Variants in GTPBP10 observed in about 807,000 individuals in gnomAD.
The protein encoded by GTPBP10 is GTP-binding protein 10.
In GTPBP10, 38 loss-of-function variants were observed where a neutral mutation model predicts 44.8. That is an observed-to-expected ratio of 0.85 (90% CI 0.65 to 1.11). The LOEUF is 1.11. Among genes scored for constraint, GTPBP10 ranks in the 50% most tolerant of loss-of-function variants. The pLI, the probability that GTPBP10 is intolerant of heterozygous loss-of-function variation, is 0.00. For synonymous variants in GTPBP10, 152 were observed against 150.6 expected, an observed-to-expected ratio of 1.01 and a Z score of -0.07; for missense variants, 462 against 453.7, an observed-to-expected ratio of 1.02 and a Z score of -0.17.
At chr7:90,381,598 G>A (rs1260156463) in intron 8 of GTPBP10, among the ~76,000 whole-genome samples, 1 of 152,164 alleles carries the variant, frequency 6.6e-6, no homozygotes, top group African/African-American at 2.4e-5. Flanking sequence ...ACCCTGAATA[G>A]CCAAAGCAAT....
chr7:90,385,324 A>G lies in GTPBP10; in HGVS notation c.*170A>G. On this transcript the variant is annotated 3_prime_UTR_variant, in exon 10 of 10. Coordinates refer to ENST00000222511, the MANE Select transcript of GTPBP10 (RefSeq NM_033107.4). ...TAAGTTGAACTCATAGAAGGAGAGAATAGAATGGTGGTTATCAAGGGCTGG... is the reference window on the plus strand; with the variant it reads ...TAAGTTGAACTCATAGAAGGAGAGAGTAGAATGGTGGTTATCAAGGGCTGG... The G allele has an allele frequency of 1.9e-6, 1 of 522,958 alleles. No homozygotes were observed. Among genetic ancestry groups the G allele is most frequent in the Non-Finnish European group, 3.3e-6 (1 of 303,966 alleles). 32.4% of individuals were successfully genotyped at this position (522,958 alleles called of 1,614,324 possible).
intron 8 of GTPBP10, among the ~76,000 whole-genome samples, chr7:90,381,839 A>G (rs1285852882): frequency 6.6e-6 from 1 of 152,202 alleles, no homozygotes; most frequent in Non-Finnish European, 1.5e-5. Context: ...TCAATAAGTG[A>G]TACTGAGAAA....
chr7:90,346,892 T>C (rs1365376231), intron 1 of GTPBP10, 118 bp downstream of exon 1: 3 of 1,121,040 alleles, frequency 2.7e-6, no homozygotes, highest in Non-Finnish European at 4.1e-6. Flanking sequence ...GGTTTTCCCA[T>C]AGACTTCTCC....
Position 90,378,123 on chromosome 7 carries a change from C to G in GTPBP10, c.700-11C>G, listed in dbSNP as rs1215637581. On this transcript the variant is annotated splice_polypyrimidine_tract_variant and intron_variant, in intron 7 of 9. Coordinates refer to ENST00000222511, the MANE Select transcript of GTPBP10 (RefSeq NM_033107.4). Reference sequence around the variant, plus strand: ...TGTTAAAGGCTGTCTCTTTCCTTCTCTTTTTTTTAGGTTGATATTTCTGGA... The same window carrying G: ...TGTTAAAGGCTGTCTCTTTCCTTCTGTTTTTTTTAGGTTGATATTTCTGGA... The G allele has an allele frequency of 1.2e-6, 2 of 1,604,734 alleles. No homozygotes were observed. The highest frequency in any genetic ancestry group is 2.2e-5 in the East Asian group (1 of 44,652).
Position 90,354,415 on chromosome 7 carries a change from T to TACAC in GTPBP10, c.228-35_228-32dup, listed in dbSNP as rs112308057. 10 of 955,366 alleles carry TACAC rather than the reference T, an allele frequency of 1.0e-5. No individual in the cohort carries two copies. The African/African-American group carries it at 1.5e-4, about 15-fold the overall frequency. 59.2% of individuals were successfully genotyped at this position (955,366 alleles called of 1,614,324 possible). On this transcript the variant is annotated intron_variant, in intron 2 of 9. Coordinates refer to ENST00000222511, the MANE Select transcript of GTPBP10 (RefSeq NM_033107.4). ...GTGTGTATGTGTGTGTGTGTATATA[T>TACAC]ACACACACACATACATACATATATA...
At chr7:90,361,218 C>T (rs1445416855) in intron 4 of GTPBP10, among the ~76,000 whole-genome samples, 1 of 152,114 alleles carries the variant, frequency 6.6e-6, no homozygotes, top group Non-Finnish European at 1.5e-5. Context: ...TGCTGGTTTT[C>T]AAAGGGAGTG....
intron 4 of GTPBP10, among the ~76,000 whole-genome samples, chr7:90,362,251 C>G (rs1456023041): frequency 1.3e-5 from 2 of 152,028 alleles, no homozygotes; most frequent in Non-Finnish European, 2.9e-5. Flanking sequence ...ATCTTTCCTG[C>G]TTTCTCTTGT....
Position 90,355,176 on chromosome 7 carries a change from A to T in GTPBP10, c.410A>T (p.Gln137Leu). Residue 137 changes from glutamine to leucine, a missense_variant, in exon 4 of 10, where the codon CAG (glutamine) becomes CTG (leucine). Transcript: ENST00000222511. Reference protein sequence around the residue: ...LLTNFLPLKGQKRIIHLDLKL... With the variant: ...LLTNFLPLKGLKRIIHLDLKL... ...ACAAATTTCTTACCATTGAAAGGCC[A>T]GAAACGAATAATTCACCTTGATCTA... 1 of 1,606,724 alleles carries T rather than the reference A, an allele frequency of 6.2e-7. No individual in the cohort carries two copies. The highest frequency in any genetic ancestry group is 8.5e-7 in the Non-Finnish European group (1 of 1,175,664).
At chr7:90,365,477 G>A (rs1219623406) in intron 4 of GTPBP10, among the ~76,000 whole-genome samples, 5 of 139,940 alleles carry the variant, frequency 3.6e-5, no homozygotes, top group African/African-American at 1.1e-4. Context: ...CCAGGTTCAC[G>A]CCATTCTCCT....
At position 90,390,769 on chromosome 7, in the gene GTPBP10, T is replaced by A. The variant is rs1275198937; in HGVS notation, c.*5615T>A. The A allele has an allele frequency of 6.6e-6, 1 of 152,228 alleles. No individual in the cohort carries two copies. The highest frequency in any genetic ancestry group is 1.5e-5 in the Non-Finnish European group (1 of 68,036). The allele number at this position is 152,228 out of a possible 1,614,324, so 9.4% of individuals were successfully genotyped here. On this transcript the variant is annotated 3_prime_UTR_variant, in exon 10 of 10. Coordinates refer to ENST00000222511, the MANE Select transcript of GTPBP10 (RefSeq NM_033107.4). ...ACTGCCAATATTTTCTGATCGGTAC[T>A]TTCATTTTTCTAGTTGGTTACCAAA...
intron 5 of GTPBP10, among the ~76,000 whole-genome samples, chr7:90,373,052 G>C (rs1423533377): frequency 9.9e-5 from 15 of 152,160 alleles, no homozygotes; most frequent in Admixed American, 9.8e-4. Flanking sequence ...TAGTAAAATA[G>C]AGTGGAGGGT....
chr7:90,347,239 A>G (rs1795695110), intron 1 of GTPBP10, among the ~76,000 whole-genome samples: 1 of 152,130 alleles, frequency 6.6e-6, no homozygotes, highest in Non-Finnish European at 1.5e-5. Context: ...GGTCTTAAGA[A>G]TCGTTTCCGT....
chr7:90,379,971 A>G (rs939958025), intron 8 of GTPBP10, among the ~76,000 whole-genome samples: 7 of 152,050 alleles, frequency 4.6e-5, no homozygotes, highest in African/African-American at 1.4e-4. Context: ...GTGTCTTTGG[A>G]GAAAAGTCTG....
In GTPBP10 at chr7:90,348,938, C is replaced by A. The variant is rs971584257; in HGVS notation, c.33+2164C>A. 3.3e-5 allele frequency among the ~76,000 whole-genome samples: 5 copies of A among 152,286 alleles called. No individual in the cohort carries two copies. In the East Asian group the frequency reaches 9.7e-4, roughly 29 times the overall value. ...TCTTCCTTGTTATCTGGCACTGGATCTGAAGCACTCATCAAGCTGTCTTCT... is the reference window on the plus strand; with the variant it reads ...TCTTCCTTGTTATCTGGCACTGGATATGAAGCACTCATCAAGCTGTCTTCT... On this transcript the variant is annotated intron_variant, in intron 1 of 9. Coordinates refer to ENST00000222511, the MANE Select transcript of GTPBP10 (RefSeq NM_033107.4).
chr7:90,348,070 C>G (rs934906642), intron 1 of GTPBP10, among the ~76,000 whole-genome samples: 1 of 151,942 alleles, frequency 6.6e-6, no homozygotes, highest in Non-Finnish European at 1.5e-5. Context: ...TTAAAACAGT[C>G]GGGGTGGTGT....
chr7:90,347,820 A>C (rs1489435060), intron 1 of GTPBP10, among the ~76,000 whole-genome samples: 2 of 152,234 alleles, frequency 1.3e-5, no homozygotes, highest in East Asian at 3.8e-4. Flanking sequence ...GATAGGAAAA[A>C]CAAATGACAT....
chr7:90,362,271 G>A (rs928819429), intron 4 of GTPBP10, among the ~76,000 whole-genome samples: 3 of 151,906 alleles, frequency 2.0e-5, no homozygotes, highest in Non-Finnish European at 4.4e-5. Flanking sequence ...TGGGCATTTA[G>A]TGCTATAAAT....
chr7:90,382,083 C>A (rs1796443627), intron 8 of GTPBP10, among the ~76,000 whole-genome samples: 2 of 151,778 alleles, frequency 1.3e-5, no homozygotes, highest in Non-Finnish European at 2.9e-5. Context: ...AAAGCTTCTG[C>A]ACAGCAAAAG....
chr7:90,366,775 T>C (rs1490026053), intron 4 of GTPBP10, among the ~76,000 whole-genome samples: 1 of 152,072 alleles, frequency 6.6e-6, no homozygotes, highest in Non-Finnish European at 1.5e-5. Context: ...GTATTTTGTG[T>C]CTCTATCTCT....
Sources: gnomAD v4.1 joint callset for allele counts (sites outside exome capture counted in the v4.1 genomes callset) on GRCh38, gnomAD v4.1.1 for gene constraint, MANE v1.5 for transcripts, NCBI Gene and HGNC (gene_info 2026-07-23, HGNC 2026-07-21) for gene names.